Variants in LYST observed in about 807,000 individuals in gnomAD.
The protein encoded by LYST is lysosomal trafficking regulator, also known as lysosomal-trafficking regulator.
LYST carries 192 observed loss-of-function variants against 413.6 expected under a neutral mutation model. The observed-to-expected ratio is 0.46, with a 90% CI of 0.41 to 0.52. LYST has a LOEUF of 0.52. Among genes scored for constraint, LYST ranks in the 20% least tolerant of loss-of-function variants. The probability of loss-of-function intolerance (pLI) is 0.00; values close to 1 mark genes in which losing one functional copy is unlikely to be tolerated. For synonymous variants in LYST, 1,525 were observed against 1,567.3 expected (o/e 0.97, Z 0.64); for missense variants, 3,815 against 4,499.9 (o/e 0.85, Z 4.35).
intron 41 of LYST, among the ~76,000 whole-genome samples, chr1:235,715,975 G>A (rs1307823013): frequency 6.6e-6 from 1 of 151,984 alleles, no homozygotes; most frequent in African/African-American, 2.4e-5. Context: ...GTCTCCCATA[G>A]CTTCTGTCTG....
intron 34 of LYST, 56 bp from the exon 35 acceptor site, chr1:235,731,233 T>TA (rs931215361): frequency 7.2e-5 from 109 of 1,516,256 alleles, no homozygotes; most frequent in Middle Eastern, 1.7e-4. Flanking sequence ...CTTGTAGCTA[T>TA]AAAAAAAATC....
chr1:235,693,094 T>C (rs1410616783), intron 47 of LYST, among the ~76,000 whole-genome samples: 3 of 151,984 alleles, frequency 2.0e-5, no homozygotes, highest in Admixed American at 6.6e-5. Flanking sequence ...GGCGGGCAGA[T>C]AACAAGGTCA....
chr1:235,774,080 T>C (rs1302565980), intron 18 of LYST, 89 bp from the exon 19 acceptor site: 1 of 871,964 alleles, frequency 1.1e-6, no homozygotes, highest in Non-Finnish European at 1.9e-6. Flanking sequence ...ATTTTAGCAA[T>C]CATTAAATTC....
intron 40 of LYST, 58 bp from the exon 41 acceptor site, chr1:235,716,836 C>T (rs1039316275): frequency 1.9e-5 from 18 of 968,960 alleles, no homozygotes; most frequent in Non-Finnish European, 2.8e-5. Flanking sequence ...AGATTAAGCT[C>T]CCTAGATGTC....
chr1:235,733,327 T>C (rs1316099147), intron 34 of LYST, among the ~76,000 whole-genome samples, 176 bp downstream of exon 34: 1 of 152,034 alleles, frequency 6.6e-6, no homozygotes, highest in Non-Finnish European at 1.5e-5. Flanking sequence ...TCCTCAAGAA[T>C]TAAAAAAAAC....
chr1:235,707,730 T>G, intron 44 of LYST, among the ~76,000 whole-genome samples: 1 of 152,322 alleles, frequency 6.6e-6, no homozygotes, highest in Non-Finnish European at 1.5e-5. Context: ...ATATTAATTT[T>G]AATAGCAAAC....
chr1:235,862,524 G>A (rs745353162), intron 1 of LYST, among the ~76,000 whole-genome samples: 5 of 152,076 alleles, frequency 3.3e-5, no homozygotes, highest in Admixed American at 1.3e-4. Flanking sequence ...GGCCGGGTGC[G>A]GTGGCTCATG....
At chr1:235,687,524 A>G (rs1220902822) in intron 47 of LYST, among the ~76,000 whole-genome samples, 1 of 152,200 alleles carries the variant, frequency 6.6e-6, no homozygotes, top group Non-Finnish European at 1.5e-5. Context: ...AGGGGAAGAA[A>G]GAAGATAAAT....
chr1:235,841,080 C>T (rs1677149125), intron 1 of LYST, among the ~76,000 whole-genome samples: 1 of 150,550 alleles, frequency 6.6e-6, no homozygotes, highest in African/African-American at 2.5e-5. Flanking sequence ...TCTATTAGGC[C>T]AGTGACTAAC....
intron 1 of LYST, among the ~76,000 whole-genome samples, chr1:235,838,064 AGAGAATAC>A (rs1186057083): frequency 6.6e-6 from 1 of 152,208 alleles, no homozygotes; most frequent in Non-Finnish European, 1.5e-5. Flanking sequence ...GAAGAATGTC[AGAGAATAC>A]GAGTATAGAT....
Position 235,686,367 on chromosome 1 carries a change from A to G in LYST, c.10800+582T>C, listed in dbSNP as rs188260768. 6.6e-6 allele frequency among the ~76,000 whole-genome samples: 1 copy of G among 152,342 alleles called. No homozygotes were observed. The highest frequency in any genetic ancestry group is 2.4e-5 in the African/African-American group (1 of 41,584). ...AGGCAAGAGAGGGAGGTTCTGTCTCAAAAAACAAAAACAAAACAAAACAAA... is the reference window on the plus strand; with the variant it reads ...AGGCAAGAGAGGGAGGTTCTGTCTCGAAAAACAAAAACAAAACAAAACAAA... On this transcript the variant is annotated intron_variant, in intron 48 of 52. Coordinates refer to ENST00000389793, the MANE Select transcript of LYST (RefSeq NM_000081.4). The surrounding 1 kb of genome is among the most constrained non-coding windows in gnomAD (Gnocchi z 4.0).
intron 1 of LYST, among the ~76,000 whole-genome samples, chr1:235,835,863 T>G (rs952169479): frequency 1.3e-5 from 2 of 152,238 alleles, no homozygotes; most frequent in African/African-American, 4.8e-5. Context: ...AGGGACCCTG[T>G]CTTATTACTT....
intron 1 of LYST, among the ~76,000 whole-genome samples, chr1:235,862,288 T>C (rs1005840353): frequency 1.3e-5 from 2 of 152,242 alleles, no homozygotes; most frequent in African/African-American, 2.4e-5. Flanking sequence ...GTGTATACGG[T>C]AGTATCCCTT....
chr1:235,769,632 T>A (rs755893037), intron 20 of LYST, among the ~76,000 whole-genome samples: 2 of 151,898 alleles, frequency 1.3e-5, no homozygotes, highest in Non-Finnish European at 2.9e-5. Context: ...TGGTATTAGA[T>A]GATATCAATA....
rs572284650 is a variant in LYST at position 235,686,089 on chromosome 1, G to A, written c.10800+860C>T. On this transcript the variant is annotated intron_variant, in intron 48 of 52. Coordinates refer to ENST00000389793, the MANE Select transcript of LYST (RefSeq NM_000081.4). The surrounding 1 kb of genome is among the most constrained non-coding windows in gnomAD (Gnocchi z 4.0). ...TTGATTCAAGAAACAAAAACAGGCC[G>A]GGCGTGATGGCTCACACCTATAATC... Among the ~76,000 whole-genome samples, 5 of 152,134 alleles carry A rather than the reference G, an allele frequency of 3.3e-5. No homozygotes were observed. The highest frequency in any genetic ancestry group is 6.5e-5 in the Admixed American group (1 of 15,288).
chr1:235,872,585 T>C (rs1425086516), intron 1 of LYST, among the ~76,000 whole-genome samples: 1 of 152,152 alleles, frequency 6.6e-6, no homozygotes, highest in Non-Finnish European at 1.5e-5. Context: ...CCTAGAATCA[T>C]CCAACAGGGG....
intron 45 of LYST, among the ~76,000 whole-genome samples, chr1:235,698,011 G>A (rs112348446): frequency 0.028 from 4,308 of 152,204 alleles, 215 homozygotes; most frequent in African/African-American, 0.098. Flanking sequence ...AGCAAAAACA[G>A]TTATTAAAAA....
intron 46 of LYST, among the ~76,000 whole-genome samples, chr1:235,695,773 C>T (rs1661056592): frequency 6.6e-6 from 1 of 151,728 alleles, no homozygotes; most frequent in Non-Finnish European, 1.5e-5. Flanking sequence ...GCTGGGACTA[C>T]AGGAGCCCGC....
At chr1:235,705,149 C>T in intron 44 of LYST, among the ~76,000 whole-genome samples, 1 of 151,890 alleles carries the variant, frequency 6.6e-6, no homozygotes, top group East Asian at 1.9e-4. Context: ...GATATTTGCC[C>T]TAAGGTCACA....
Sources: allele counts gnomAD v4.1 joint callset (sites outside exome capture counted in the v4.1 genomes callset), GRCh38; gene constraint gnomAD v4.1.1; non-coding constraint Gnocchi (gnomAD v3.1); transcripts MANE v1.5; gene names NCBI Gene and HGNC (gene_info 2026-07-23, HGNC 2026-07-21).